Variants in TERF1 observed in about 807,000 individuals in gnomAD.
TERF1 encodes telomeric repeat-binding factor 1.
Under a neutral mutation model 55.1 loss-of-function variants are expected in TERF1, and 20 were observed. The ratio of observed to expected loss-of-function variants is 0.36; its 90% CI spans 0.26 to 0.53. The LOEUF is 0.53. TERF1 is among the 20% of genes least tolerant of loss of function. The pLI is 0.91. For missense variants in TERF1, 439 were observed against 535.7 expected (o/e 0.82, Z 1.78); for synonymous variants, 168 against 181.2 (o/e 0.93, Z 0.59).
At chr8:73,014,100 G>A in intron 2 of TERF1, 110 bp downstream of exon 2, 1 of 806,230 alleles carries the variant, frequency 1.2e-6, no homozygotes, top group Non-Finnish European at 2.1e-6. Flanking sequence ...AGTGTCTGGT[G>A]CATAGGGGTG....
intron 1 of TERF1, 94 bp downstream of exon 1, chr8:73,009,299 G>GTCGGGAGA (rs1563452333): frequency 3.8e-6 from 5 of 1,319,172 alleles, no homozygotes; most frequent in South Asian, 2.8e-5. Flanking sequence ...CGTCGCCGAG[G>GTCGGGAGA]GAGGGGCTGC....
intron 9 of TERF1, among the ~76,000 whole-genome samples, chr8:73,040,116 C>T (rs2129907605): frequency 6.6e-6 from 1 of 151,456 alleles, no homozygotes; most frequent in East Asian, 1.9e-4. Context: ...TTATGTTACC[C>T]TTCATTTCTC....
chr8:73,035,877 G>T (rs968425265), intron 8 of TERF1, among the ~76,000 whole-genome samples: 1 of 152,050 alleles, frequency 6.6e-6, no homozygotes, highest in Non-Finnish European at 1.5e-5. Flanking sequence ...GACTATTCTG[G>T]TGTTTTGGTG....
At position 73,047,854 on chromosome 8, in the gene TERF1, T is replaced by C. The variant is rs1810105207; in HGVS notation, c.*1717T>C. On this transcript the variant is annotated 3_prime_UTR_variant, in exon 10 of 10. Coordinates refer to ENST00000276603, the MANE Select transcript of TERF1 (RefSeq NM_017489.3). ...GCTGGCATCATGAGCCAAAATAGAC[T>C]TGTTAAGTCAACCTCATTCCAAACA... 1 of 150,944 alleles carries C rather than the reference T, an allele frequency of 6.6e-6. No individual in the cohort carries two copies. The highest frequency in any genetic ancestry group is 2.4e-5 in the African/African-American group (1 of 41,400). 9.4% of individuals were successfully genotyped at this position (150,944 alleles called of 1,614,324 possible).
Position 73,029,654 on chromosome 8 carries a change from C to CCATA in TERF1, c.888-681_888-678dup, listed in dbSNP as rs527979792. On this transcript the variant is annotated intron_variant, in intron 6 of 9. Coordinates refer to ENST00000276603, the MANE Select transcript of TERF1 (RefSeq NM_017489.3). ...TTGTATACAACCTACACACATCCTC[C>CCATA]CATATACTTTAAATCATCTCTAGAT... is the stretch of plus-strand genomic sequence containing the variant. 5.1e-3 allele frequency among the ~76,000 whole-genome samples: 780 copies of CCATA among 152,106 alleles called. 15 individuals carry two copies. In the South Asian group the frequency reaches 0.058, roughly 11 times the overall value.
At chr8:73,032,621 A>G (rs1586054968) in intron 8 of TERF1, among the ~76,000 whole-genome samples, 1 of 151,930 alleles carries the variant, frequency 6.6e-6, no homozygotes, top group African/African-American at 2.4e-5. Flanking sequence ...ACTCTTAATA[A>G]TGTTCACATA....
intron 7 of TERF1, chr8:73,030,747 A>AT (rs1254257798): frequency 1.7e-5 from 3 of 178,282 alleles, no homozygotes; most frequent in African/African-American, 7.0e-5. Context: ...TGAATGCCCC[A>AT]TGCCAATTTT....
At chr8:73,018,492 A>G (rs56152340) in intron 2 of TERF1, among the ~76,000 whole-genome samples, 312 of 152,234 alleles carry the variant, frequency 2.0e-3, no homozygotes, top group African/African-American at 6.9e-3. Context: ...CCTGGCCAAC[A>G]TGGCAAAACC....
At chr8:73,013,773 G>T in intron 1 of TERF1, 122 bp from the exon 2 acceptor site, 2 of 605,150 alleles carry the variant, frequency 3.3e-6, no homozygotes, top group Admixed American at 3.3e-5. Flanking sequence ...GATCTTAAAT[G>T]TACAACTCTA....
intron 6 of TERF1, among the ~76,000 whole-genome samples, chr8:73,027,569 T>C (rs1344477933): frequency 6.6e-6 from 1 of 152,212 alleles, no homozygotes; most frequent in Admixed American, 6.5e-5. Context: ...ATTTTTTCTT[T>C]AGGGATTTTC....
chr8:73,030,765 T>C (rs1226613089), intron 7 of TERF1: 1 of 165,152 alleles, frequency 6.1e-6, no homozygotes, highest in Non-Finnish European at 1.3e-5. Flanking sequence ...TTTATGAAAG[T>C]TACTTGAAAA....
chr8:73,032,873 T>C (rs74647843), intron 8 of TERF1, among the ~76,000 whole-genome samples: 1 of 145,766 alleles, frequency 6.9e-6, no homozygotes, highest in Non-Finnish European at 1.5e-5. Context: ...GATACTGAGA[T>C]TTTTTTTTTT....
chr8:73,036,585 C>T (rs904463036), intron 8 of TERF1, among the ~76,000 whole-genome samples: 2 of 151,600 alleles, frequency 1.3e-5, no homozygotes, highest in African/African-American at 2.4e-5. Context: ...GTATTGGTTC[C>T]AGGACCCATC....
chr8:73,011,395 C>A (rs1238820883), intron 1 of TERF1: 6 of 152,234 alleles, frequency 3.9e-5, no homozygotes, highest in Admixed American at 3.9e-4. Flanking sequence ...ACTAAAAATA[C>A]AAAAATTAGC....
chr8:73,044,120 A>G (rs1809940579), intron 9 of TERF1, among the ~76,000 whole-genome samples: 1 of 152,180 alleles, frequency 6.6e-6, no homozygotes, highest in South Asian at 2.1e-4. Flanking sequence ...GGTTTTTGTC[A>G]GTTAATGACA....
intron 4 of TERF1, among the ~76,000 whole-genome samples, chr8:73,024,537 A>G (rs537538783): frequency 4.7e-4 from 71 of 152,316 alleles, no homozygotes; most frequent in African/African-American, 1.6e-3. Context: ...GATTTTAACC[A>G]TATTGATTAT....
intron 4 of TERF1, 66 bp from the exon 5 acceptor site, chr8:73,024,756 G>T: frequency 8.7e-7 from 1 of 1,143,470 alleles, no homozygotes; most frequent in Non-Finnish European, 1.2e-6. Flanking sequence ...AATAATATGT[G>T]ACAAAAATCG....
At chr8:73,018,244 A>G (rs182537686) in intron 2 of TERF1, among the ~76,000 whole-genome samples, 1 of 152,342 alleles carries the variant, frequency 6.6e-6, no homozygotes, top group Admixed American at 6.5e-5. Context: ...GTGAATGAAT[A>G]TATTTTTATA....
chr8:73,039,268 T>A (rs967918280), intron 9 of TERF1, 49 bp downstream of exon 9: 5 of 1,273,752 alleles, frequency 3.9e-6, no homozygotes, highest in Non-Finnish European at 4.4e-6. Flanking sequence ...ATTAAAGTTA[T>A]AACTTGAATA....
Sources: allele counts gnomAD v4.1 joint callset (sites outside exome capture counted in the v4.1 genomes callset), GRCh38; gene constraint gnomAD v4.1.1; transcripts MANE v1.5; gene names NCBI Gene and HGNC (gene_info 2026-07-23, HGNC 2026-07-21).